The following GRIN2A variants were observed in gnomAD, a reference collection of about 807,000 sequenced individuals.
The protein encoded by GRIN2A is glutamate ionotropic receptor NMDA type subunit 2A.
Under a neutral mutation model 113.4 loss-of-function variants are expected in GRIN2A, and 22 were observed. The observed-to-expected ratio is 0.19, with a 90% CI of 0.14 to 0.28. The LOEUF (loss-of-function observed/expected upper bound fraction) is 0.28, where lower values mean the gene tolerates loss of function less well. GRIN2A is among the 10% of genes least tolerant of loss of function. GRIN2A has a pLI of 1.00. For missense variants in GRIN2A, 1,502 were observed against 1,887.0 expected, an observed-to-expected ratio of 0.80 and a Z score of 3.78; for synonymous variants, 827 against 738.4, an observed-to-expected ratio of 1.12 and a Z score of -1.94.
intron 2 of GRIN2A, among the ~76,000 whole-genome samples, chr16:10,009,171 C>G (rs2046457504): frequency 6.6e-6 from 1 of 152,180 alleles, no homozygotes; most frequent in African/African-American, 2.4e-5. Context: ...CAAATACATA[C>G]TCAGACAAAA....
In GRIN2A at chr16:9,973,030, C is replaced by T. The variant is rs191989464; in HGVS notation, c.415-34479G>A. 9.2e-5 allele frequency among the ~76,000 whole-genome samples: 14 copies of T among 152,226 alleles called. 1 individual carries two copies. The South Asian group carries it at 1.7e-3, about 18-fold the overall frequency. On this transcript the variant is annotated intron_variant, in intron 2 of 12. Coordinates refer to ENST00000330684, the MANE Select transcript of GRIN2A (RefSeq NM_001134407.3). ...TAAAATTGTCCTCCTGCTGTGAGTC[C>T]GTTCCTGGGTGGGGGCCACAAGGCC... is the stretch of plus-strand genomic sequence containing the variant.
At chr16:9,936,788 C>T (rs1350310694) in intron 3 of GRIN2A, among the ~76,000 whole-genome samples, 10 of 152,128 alleles carry the variant, frequency 6.6e-5, no homozygotes, top group Admixed American at 6.6e-4. Flanking sequence ...AAATCAAATG[C>T]AAAATCAAAC....
intron 2 of GRIN2A, among the ~76,000 whole-genome samples, chr16:10,149,065 G>C (rs984312469): frequency 6.6e-6 from 1 of 152,174 alleles, no homozygotes; most frequent in African/African-American, 2.4e-5. Context: ...GGTTACCAGA[G>C]GCTGGAAAGG....
rs759696882 is a variant in GRIN2A at position 9,763,601 on chromosome 16, C to A, written c.3943G>T (p.Asp1315Tyr). The A allele has an allele frequency of 6.2e-7, 1 of 1,613,634 alleles. No individual in the cohort carries two copies. Residue 1315 changes from aspartate (D) to tyrosine (Y), a missense_variant, in exon 13 of 13, where the codon GAC becomes TAC. Transcript: ENST00000330684. ...SRPSRSISLK[D>Y]RERLLEGNFY... The stretch of plus-strand genomic sequence containing the variant: ...TTTCCCTCCAGAAGCCGTTCCCTGT[C>A]CTTGAGGCTTATGCTCCGGGAGGGC...
intron 3 of GRIN2A, among the ~76,000 whole-genome samples, chr16:9,903,321 C>T (rs7187264): frequency 0.3 from 45,335 of 151,740 alleles, 8,031 homozygotes; most frequent in African/African-American, 0.5. Flanking sequence ...CAATACATTG[C>T]CTCCTGCTAT....
At chr16:9,833,857 T>A (rs1194505282) in intron 8 of GRIN2A, among the ~76,000 whole-genome samples, 1 of 152,126 alleles carries the variant, frequency 6.6e-6, no homozygotes, top group African/African-American at 2.4e-5. Context: ...GTAGCTGGTA[T>A]TACAGGTGTG....
intron 3 of GRIN2A, among the ~76,000 whole-genome samples, chr16:9,926,472 G>A (rs910691121): frequency 2.0e-5 from 3 of 152,136 alleles, no homozygotes; most frequent in African/African-American, 7.2e-5. Context: ...TAAGCATATA[G>A]GATAAGAGAG....
At chr16:9,928,204 G>A (rs1216515192) in intron 3 of GRIN2A, among the ~76,000 whole-genome samples, 1 of 152,212 alleles carries the variant, frequency 6.6e-6, no homozygotes, top group Non-Finnish European at 1.5e-5. Flanking sequence ...CCACATGGAA[G>A]CAAGAGGTGA....
chr16:9,819,355 C>T (rs2042239736), intron 10 of GRIN2A, among the ~76,000 whole-genome samples: 1 of 151,510 alleles, frequency 6.6e-6, no homozygotes, highest in African/African-American at 2.4e-5. Flanking sequence ...ACCTCATCTC[C>T]ACACGAAACA....
chr16:10,013,584 C>T (rs1006933221), intron 2 of GRIN2A, among the ~76,000 whole-genome samples: 19 of 152,156 alleles, frequency 1.2e-4, no homozygotes, highest in African/African-American at 9.7e-5. Flanking sequence ...TGCCTTTCTT[C>T]CTGAGACCTT....
chr16:10,169,756 T>C (rs1029044458), intron 2 of GRIN2A, among the ~76,000 whole-genome samples: 1 of 152,230 alleles, frequency 6.6e-6, no homozygotes, highest in Non-Finnish European at 1.5e-5. Flanking sequence ...GGTCAAAGAC[T>C]CTGTTACTTG....
At chr16:10,086,387 T>G (rs1354192302) in intron 2 of GRIN2A, among the ~76,000 whole-genome samples, 4 of 152,058 alleles carry the variant, frequency 2.6e-5, no homozygotes, top group Non-Finnish European at 5.9e-5. Context: ...CTTCTAGATC[T>G]TCTCACTTCC....
At chr16:10,097,543 C>T (rs1305705249) in intron 2 of GRIN2A, among the ~76,000 whole-genome samples, 3 of 152,168 alleles carry the variant, frequency 2.0e-5, no homozygotes, top group Non-Finnish European at 2.9e-5. Flanking sequence ...TTTGCTCTTC[C>T]TCCTGGTCCC....
intron 2 of GRIN2A, among the ~76,000 whole-genome samples, chr16:10,108,875 T>G (rs979257154): frequency 6.6e-6 from 1 of 151,606 alleles, no homozygotes; most frequent in African/African-American, 2.4e-5. Context: ...AAACAAATAA[T>G]CAGAGGAGAA....
chr16:9,778,660 G>C (rs1166995070), intron 11 of GRIN2A, among the ~76,000 whole-genome samples: 2 of 152,330 alleles, frequency 1.3e-5, no homozygotes, highest in African/African-American at 4.8e-5. Flanking sequence ...GTAAATCTGG[G>C]TGTTTACACG....
In GRIN2A at chr16:9,938,189, G is replaced by A. The variant is rs972160740; in HGVS notation, c.777C>T (p.Ser259=). The A allele has an allele frequency of 6.2e-7, 1 of 1,613,850 alleles. No homozygotes were observed. Among genetic ancestry groups the A allele is most frequent in the Non-Finnish European group, 8.5e-7 (1 of 1,179,718 alleles). Residue 259 remains serine (S), a synonymous_variant, in exon 3 of 13, where the codon AGC becomes AGT. Coordinates refer to ENST00000330684, the MANE Select transcript of GRIN2A (RefSeq NM_001134407.3). Reference sequence around the variant, plus strand: ...TGAGCTCCGTGTTCCCAGAGACCAAGCTGGGGACAATCCAGAAGAAATCAT... The same window carrying A: ...TGAGCTCCGTGTTCCCAGAGACCAAACTGGGGACAATCCAGAAGAAATCAT... ...TGYDFFWIVP[S]LVSGNTELIP... is the part of the protein sequence containing the mutation.
At chr16:9,872,495 T>C (rs1224584382) in intron 4 of GRIN2A, among the ~76,000 whole-genome samples, 1 of 152,234 alleles carries the variant, frequency 6.6e-6, no homozygotes. Flanking sequence ...ACTTGACAGA[T>C]GTCCCATCTG....
intron 2 of GRIN2A, among the ~76,000 whole-genome samples, chr16:10,109,877 C>A (rs554344051): frequency 1.3e-5 from 2 of 148,592 alleles, no homozygotes; most frequent in South Asian, 4.6e-4. Flanking sequence ...TACTATGTAC[C>A]CACAAAAAAA....
intron 2 of GRIN2A, among the ~76,000 whole-genome samples, chr16:10,095,070 G>C (rs1308472379): frequency 2.0e-5 from 3 of 152,020 alleles, no homozygotes; most frequent in African/African-American, 7.2e-5. Flanking sequence ...CTTGTAAGTA[G>C]AGGAAGAAGA....
Sources: gnomAD v4.1 joint callset for allele counts (sites outside exome capture counted in the v4.1 genomes callset) on GRCh38, gnomAD v4.1.1 for gene constraint, MANE v1.5 for transcripts, NCBI Gene and HGNC (gene_info 2026-07-23, HGNC 2026-07-21) for gene names.